The following ZNF710 variants were observed in gnomAD, a reference collection of about 807,000 sequenced individuals.
The protein encoded by ZNF710 is zinc finger protein 710.
A neutral mutation model predicts 50.6 loss-of-function variants in ZNF710; 13 were observed. That is an observed-to-expected ratio of 0.26 (90% CI 0.17 to 0.41). The LOEUF (loss-of-function observed/expected upper bound fraction) is 0.41. Among genes scored for constraint, ZNF710 ranks in the 10% least tolerant of loss-of-function variants. The probability of loss-of-function intolerance (pLI) is 1.00; values close to 1 mark genes in which losing one functional copy is unlikely to be tolerated. For synonymous variants in ZNF710, 383 were observed against 397.0 expected (o/e 0.96, Z 0.42); for missense variants, 721 against 936.6 (o/e 0.77, Z 3.01).
intron 1 of ZNF710, among the ~76,000 whole-genome samples, chr15:90,042,270 G>A (rs905410162): frequency 1.3e-5 from 2 of 151,976 alleles, no homozygotes; most frequent in Non-Finnish European, 2.9e-5. Flanking sequence ...CCCTCCTGGG[G>A]CCTGTTCCAG....
At chr15:90,061,055 A>C (rs1390659256) in intron 1 of ZNF710, among the ~76,000 whole-genome samples, 3 of 152,160 alleles carry the variant, frequency 2.0e-5, no homozygotes, top group Admixed American at 6.5e-5. Context: ...ATCAAATTAC[A>C]TTGATCACGG....
chr15:90,079,862 G>A lies in ZNF710; in HGVS notation c.*33G>A. 6.4e-7 allele frequency: 1 copy of A among 1,564,086 alleles called. No homozygotes were observed. Among genetic ancestry groups the A allele is most frequent in the Non-Finnish European group, 8.6e-7 (1 of 1,160,324 alleles). ...TGGGCCACCCCTAACGGGGGCCGGG[G>A]GCGAGGGCATGGGGGTGAGACCCAT... On this transcript the variant is annotated 3_prime_UTR_variant, in exon 5 of 5. Coordinates refer to ENST00000268154, the MANE Select transcript of ZNF710 (RefSeq NM_198526.4).
intron 1 of ZNF710, among the ~76,000 whole-genome samples, chr15:90,039,671 A>T (rs1899239193): frequency 6.6e-6 from 1 of 152,078 alleles, no homozygotes; most frequent in Non-Finnish European, 1.5e-5. Flanking sequence ...CCCCACCCCT[A>T]ATGGCCATAA....
chr15:90,071,912 G>A (rs532076370), intron 2 of ZNF710, among the ~76,000 whole-genome samples: 85 of 152,158 alleles, frequency 5.6e-4, no homozygotes, highest in African/African-American at 1.9e-3. Flanking sequence ...CTGACCTTGT[G>A]ATCTGCCCAC....
chr15:90,079,794 G>T lies in ZNF710; in HGVS notation c.1960G>T (p.Ala654Ser). The change falls in exon 5 of 5, where the codon GCC becomes TCC. Residue 654 changes from alanine (A) to serine (S), a missense_variant. Coordinates refer to ENST00000268154, the MANE Select transcript of ZNF710 (RefSeq NM_198526.4). ...SAEASVLTEQAMKEMAYYNVL is the reference protein window; with the variant it reads ...SAEASVLTEQSMKEMAYYNVL Reference sequence around the variant, plus strand: ...CGAGGCCAGTGTCCTCACTGAACAGGCCATGAAAGAGATGGCCTACTACAA... The same window carrying T: ...CGAGGCCAGTGTCCTCACTGAACAGTCCATGAAAGAGATGGCCTACTACAA... 1 of 1,608,764 alleles carries T rather than the reference G, an allele frequency of 6.2e-7. No homozygotes were observed. The highest frequency in any genetic ancestry group is 8.5e-7 in the Non-Finnish European group (1 of 1,178,454).
At chr15:90,016,704 G>A (rs561194607) in intron 1 of ZNF710, among the ~76,000 whole-genome samples, 1 of 152,284 alleles carries the variant, frequency 6.6e-6, no homozygotes, top group African/African-American at 2.4e-5. Flanking sequence ...TATAGGCGTG[G>A]GCCACTGTGC....
upstream of ZNF710, chr15:90,001,296 A>G (rs1898004059): frequency 6.6e-6 from 1 of 152,192 alleles, no homozygotes; most frequent in African/African-American, 2.4e-5. Context: ...AAAGAGAGAT[A>G]AAAGGGCTGC....
chr15:90,038,122 AC>A lies in ZNF710; in HGVS notation c.-28-28984del, dbSNP rs1275199728. The stretch of plus-strand genomic sequence containing the variant: ...TGGTTTGGACCAGCCTTGCCCGATT[AC>A]CCCAGTGTACGGTCCAAATATGATT... On this transcript the variant is annotated intron_variant, in intron 1 of 4. Coordinates refer to ENST00000268154, the MANE Select transcript of ZNF710 (RefSeq NM_198526.4). Among the ~76,000 whole-genome samples, 4 of 152,212 alleles carry A rather than the reference AC, an allele frequency of 2.6e-5. No homozygotes were observed. In the South Asian group the frequency reaches 6.2e-4, roughly 24 times the overall value.
chr15:90,000,472 C>T (rs1897984546), upstream of ZNF710, among the ~76,000 whole-genome samples: 2 of 152,016 alleles, frequency 1.3e-5, no homozygotes, highest in African/African-American at 4.8e-5. Flanking sequence ...CCCAGCAGTG[C>T]GCCCCGGGGC....
In ZNF710 at chr15:90,067,652, G is replaced by T; in HGVS notation, c.515G>T (p.Arg172Leu). The change falls in exon 2 of 5, where the codon CGG (arginine) becomes CTG (leucine). Residue 172 changes from arginine to leucine, a missense_variant. Coordinates refer to ENST00000268154, the MANE Select transcript of ZNF710 (RefSeq NM_198526.4). This position sits in a 1 kb window ranked among gnomAD's most constrained non-coding sequence, Gnocchi z 8.1. ...SAFSRKPRTL[R>L]HLPRTPRPEL... ...TTCAGCCGCAAGCCCCGGACGCTCC[G>T]GCATCTGCCCCGAACCCCGAGGCCG... 6.2e-7 allele frequency: 1 copy of T among 1,612,892 alleles called. No individual in the cohort carries two copies. The highest frequency in any genetic ancestry group is 1.3e-5 in the African/African-American group (1 of 75,034).
intron 1 of ZNF710, among the ~76,000 whole-genome samples, chr15:90,007,699 C>T (rs1898174599): frequency 6.6e-6 from 1 of 150,782 alleles, no homozygotes; most frequent in Non-Finnish European, 1.5e-5. Context: ...AGGATTAGAA[C>T]CCAGGCACTG....
chr15:90,052,905 C>T (rs1167329270), intron 1 of ZNF710, among the ~76,000 whole-genome samples: 2 of 152,162 alleles, frequency 1.3e-5, no homozygotes, highest in Non-Finnish European at 2.9e-5. Flanking sequence ...TGCACCCCAG[C>T]CTGGGCGACA....
At chr15:90,037,382 T>C (rs943370917) in intron 1 of ZNF710, among the ~76,000 whole-genome samples, 1 of 152,176 alleles carries the variant, frequency 6.6e-6, no homozygotes, top group Non-Finnish European at 1.5e-5. Context: ...CAGGAACCGC[T>C]CCTTCCACTG....
intron 1 of ZNF710, among the ~76,000 whole-genome samples, chr15:90,008,445 T>TATATATAC (rs1567218437): frequency 7.0e-6 from 1 of 142,324 alleles, no homozygotes; most frequent in African/African-American, 2.8e-5. Flanking sequence ...TATATACATA[T>TATATATAC]ATATATATGT....
At chr15:90,002,237 G>T (rs1898031823) in intron 1 of ZNF710, among the ~76,000 whole-genome samples, 1 of 151,784 alleles carries the variant, frequency 6.6e-6, no homozygotes, top group Non-Finnish European at 1.5e-5. Context: ...GGGGGTGGGG[G>T]AGAGCTGAGC....
chr15:90,035,223 G>A (rs571472507), intron 1 of ZNF710, among the ~76,000 whole-genome samples: 5 of 152,258 alleles, frequency 3.3e-5, no homozygotes, highest in Admixed American at 6.5e-5. Context: ...TGGTGTGGGG[G>A]CTGAGACATG....
intron 1 of ZNF710, among the ~76,000 whole-genome samples, chr15:90,044,799 C>T (rs974385933): frequency 1.3e-5 from 2 of 152,166 alleles, no homozygotes; most frequent in Non-Finnish European, 1.5e-5. Flanking sequence ...TGGCTCCTCT[C>T]CTGTGTGCAT....
intron 1 of ZNF710, among the ~76,000 whole-genome samples, chr15:90,036,450 C>T (rs1325985978): frequency 6.6e-6 from 1 of 152,182 alleles, no homozygotes. Context: ...CACCGAGGGA[C>T]GTCCCTTCAG....
rs1232814414 is a variant in ZNF710, at chr15:90,002,385, G to A, written c.-29+771G>A. On this transcript the variant is annotated intron_variant, in intron 1 of 4. Coordinates refer to ENST00000268154, the MANE Select transcript of ZNF710 (RefSeq NM_198526.4). ...CCGGCGCTCGCTGTCTGGGGGCGTG[G>A]GGGTGGGGGTGGCGGGCGGGGTCCC... The A allele has an allele frequency of 3.3e-5, 5 of 151,660 alleles. No individual in the cohort carries two copies. In the East Asian group the frequency reaches 9.8e-4, roughly 30 times the overall value. 9.4% of individuals were successfully genotyped at this position (151,660 alleles called of 1,614,324 possible). A position where few individuals can be genotyped will look rare whatever the true frequency, so the allele number is the denominator to read the frequency against.
Sources: gnomAD v4.1 joint callset for allele counts (sites outside exome capture counted in the v4.1 genomes callset) on GRCh38, gnomAD v4.1.1 for gene constraint, Gnocchi (gnomAD v3.1) non-coding constraint, MANE v1.5 for transcripts, NCBI Gene and HGNC (gene_info 2026-07-23, HGNC 2026-07-21) for gene names.